Variants in HGSNAT observed in about 807,000 individuals in gnomAD.
HGSNAT encodes the protein transmembrane protein 76.
In HGSNAT, 59 loss-of-function variants were observed where a neutral mutation model predicts 85.2. The ratio of observed to expected loss-of-function variants is 0.69; its 90% CI spans 0.56 to 0.86. HGSNAT has a LOEUF of 0.86. Among genes scored for constraint, HGSNAT ranks in the 40% least tolerant of loss-of-function variants. The pLI, the probability that HGSNAT is intolerant of heterozygous loss-of-function variation, is 0.00. For missense variants in HGSNAT, 756 were observed against 777.1 expected, an observed-to-expected ratio of 0.97 and a Z score of 0.32; for synonymous variants, 321 against 304.5, an observed-to-expected ratio of 1.05 and a Z score of -0.56.
chr8:43,192,490 T>C, intron 13 of HGSNAT, 60 bp downstream of exon 13: 1 of 1,526,856 alleles, frequency 6.5e-7, no homozygotes, highest in East Asian at 2.3e-5. Context: ...TGAAGGAAAG[T>C]AGAAAGAGCC....
At chr8:43,192,947 G>A (rs188419607) in intron 13 of HGSNAT, among the ~76,000 whole-genome samples, 1 of 152,306 alleles carries the variant, frequency 6.6e-6, no homozygotes, top group East Asian at 1.9e-4. Context: ...ACCGTGCAGA[G>A]GGAGAAGTTG....
chr8:43,195,669 GGT>G (rs375316056), intron 14 of HGSNAT: 130 of 139,090 alleles, frequency 9.3e-4, no homozygotes, highest in Middle Eastern at 7.6e-3. Flanking sequence ...GGAGGAGGAG[GGT>G]GAGGGTGTGG....
At chr8:43,174,423 G>A (rs557365945) in intron 9 of HGSNAT, among the ~76,000 whole-genome samples, 5 of 152,198 alleles carry the variant, frequency 3.3e-5, no homozygotes, top group Middle Eastern at 6.8e-3. Context: ...AAATATGTAG[G>A]TGGGCAATGA....
At position 43,202,717 on chromosome 8, in the gene HGSNAT, A is replaced by T. The variant is rs1349065662; in HGVS notation, c.*3148A>T. The T allele has an allele frequency of 6.6e-6, 1 of 152,264 alleles. No individual in the cohort carries two copies. The highest frequency in any genetic ancestry group is 1.5e-5 in the Non-Finnish European group (1 of 68,038). The allele number at this position is 152,264 out of a possible 1,614,324, so 9.4% of individuals were successfully genotyped here. A position where few individuals can be genotyped will look rare whatever the true frequency, so the allele number is the denominator to read the frequency against. On this transcript the variant is annotated 3_prime_UTR_variant, in exon 18 of 18. Coordinates refer to ENST00000379644, the MANE Select transcript of HGSNAT (RefSeq NM_152419.3). The stretch of plus-strand genomic sequence containing the variant: ...CAAGGGGCATCTTTTATAAATGCAT[A>T]ATAACCCAGTTTGTATCAAAGGGTA...
chr8:43,147,038 A>G lies in HGSNAT; in HGVS notation c.209A>G (p.Tyr70Cys). The G allele has an allele frequency of 6.2e-7, 1 of 1,603,458 alleles. No individual in the cohort carries two copies. The change falls in exon 2 of 18, where the codon TAC (tyrosine) becomes TGC (cysteine). Residue 70 changes from tyrosine to cysteine, a missense_variant. Coordinates refer to ENST00000379644, the MANE Select transcript of HGSNAT (RefSeq NM_152419.3). ...NELLWTNLTV[Y>C]WKSECCYHCL... ...CTTCTCTGGACCAACTTGACCGTCTACTGGAAATCTGAATGCTGTTATCAC... is the reference window on the plus strand; with the variant it reads ...CTTCTCTGGACCAACTTGACCGTCTGCTGGAAATCTGAATGCTGTTATCAC...
chr8:43,182,047 A>G (rs1052187871), intron 10 of HGSNAT, 98 bp from the exon 11 acceptor site: 2 of 881,914 alleles, frequency 2.3e-6, no homozygotes, highest in Admixed American at 3.5e-5. Context: ...CTTAGATGCA[A>G]TATAGGTATG....
At chr8:43,161,399 C>T in intron 4 of HGSNAT, 39 bp from the exon 5 acceptor site, 1 of 1,529,528 alleles carries the variant, frequency 6.5e-7, no homozygotes, top group South Asian at 1.1e-5. Context: ...TTCATGATGA[C>T]ATTTTTGGGG....
intron 1 of HGSNAT, among the ~76,000 whole-genome samples, chr8:43,141,570 G>A (rs1452428172): frequency 6.6e-6 from 1 of 152,178 alleles, no homozygotes; most frequent in East Asian, 1.9e-4. Flanking sequence ...CCTTTGGGTA[G>A]GAGGGACGGT....
At chr8:43,187,211 C>T (rs934689214) in intron 11 of HGSNAT, among the ~76,000 whole-genome samples, 1 of 152,154 alleles carries the variant, frequency 6.6e-6, no homozygotes, top group Admixed American at 6.5e-5. Context: ...AACTTTCTGT[C>T]TCATTGATCT....
intron 9 of HGSNAT, among the ~76,000 whole-genome samples, chr8:43,174,668 G>A (rs1433211851): frequency 1.3e-5 from 2 of 152,142 alleles, no homozygotes; most frequent in African/African-American, 4.8e-5. Flanking sequence ...TAGTATGGTA[G>A]ATATGAGATA....
chr8:43,186,882 C>T (rs887208894), intron 11 of HGSNAT, among the ~76,000 whole-genome samples: 4 of 152,136 alleles, frequency 2.6e-5, no homozygotes, highest in Non-Finnish European at 5.9e-5. Context: ...TTTATTTCTG[C>T]CTTCATTTCG....
chr8:43,196,050 C>T (rs78171157), intron 14 of HGSNAT: 2,689 of 226,682 alleles, frequency 0.012, 34 homozygotes, highest in Non-Finnish European at 0.016. Context: ...AGCGGTCAGT[C>T]CAGTGGGGAG....
intron 4 of HGSNAT, among the ~76,000 whole-genome samples, chr8:43,160,068 A>G (rs1159201664): frequency 6.6e-6 from 1 of 152,254 alleles, no homozygotes; most frequent in African/African-American, 2.4e-5. Flanking sequence ...CCATGAGGTC[A>G]TATGAAACTA....
At chr8:43,194,572 C>T (rs1355950479) in intron 14 of HGSNAT, 1 of 955,514 alleles carries the variant, frequency 1.0e-6, no homozygotes, top group Non-Finnish European at 1.2e-6. Context: ...AGTAACACTG[C>T]AGGTTCATTT....
Position 43,199,725 on chromosome 8 carries a change from G to T in HGSNAT, c.*156G>T. 1 of 454,298 alleles carries T rather than the reference G, an allele frequency of 2.2e-6. No individual in the cohort carries two copies. Among genetic ancestry groups the T allele is most frequent in the Non-Finnish European group, 3.7e-6 (1 of 268,616 alleles). 28.1% of individuals were successfully genotyped at this position (454,298 alleles called of 1,614,324 possible). On this transcript the variant is annotated 3_prime_UTR_variant, in exon 18 of 18. Coordinates refer to ENST00000379644, the MANE Select transcript of HGSNAT (RefSeq NM_152419.3). ...ACTGATGTCCTCAAACTGGTTAACTGTGACACGGCTCGCCAGAACTCTGCC... is the reference window on the plus strand; with the variant it reads ...ACTGATGTCCTCAAACTGGTTAACTTTGACACGGCTCGCCAGAACTCTGCC...
At chr8:43,192,239 T>A (rs564212557) in intron 12 of HGSNAT, 65 bp from the exon 13 acceptor site, 92 of 1,537,048 alleles carry the variant, frequency 6.0e-5, no homozygotes, top group Non-Finnish European at 7.3e-5. Flanking sequence ...GAGGTTTTTT[T>A]ATTCTTGTCC....
chr8:43,153,477 G>A (rs1280138392), intron 2 of HGSNAT, among the ~76,000 whole-genome samples: 1 of 152,108 alleles, frequency 6.6e-6, no homozygotes, highest in African/African-American at 2.4e-5. Context: ...ACAGGTGTGA[G>A]CCACCGTGCC....
At position 43,199,409 on chromosome 8, in the gene HGSNAT, A is replaced by C; in HGVS notation, c.1748A>C (p.Tyr583Ser). ...FYPGMNSILVYVGHEVFENYF... is the reference protein window; with the variant it reads ...FYPGMNSILVSVGHEVFENYF... ...TAAGGAATGAATTCCATTCTGGTAT[A>C]TGTCGGCCACGAGGTGTTTGAGAAC... is the stretch of plus-strand genomic sequence containing the variant. The change falls in exon 18 of 18, where the codon TAT becomes TCT. Residue 583 changes from tyrosine to serine, a missense_variant. Transcript: ENST00000379644. The C allele has an allele frequency of 1.9e-6, 3 of 1,602,256 alleles. No individual in the cohort carries two copies. Among genetic ancestry groups the C allele is most frequent in the Non-Finnish European group, 2.6e-6 (3 of 1,173,580 alleles).
At chr8:43,186,837 T>C (rs572881535) in intron 11 of HGSNAT, among the ~76,000 whole-genome samples, 1 of 152,372 alleles carries the variant, frequency 6.6e-6, no homozygotes, top group East Asian at 1.9e-4. Flanking sequence ...TTCTGGTATG[T>C]TGTGTCTTTG....
Sources: gnomAD v4.1 joint callset for allele counts (sites outside exome capture counted in the v4.1 genomes callset) on GRCh38, gnomAD v4.1.1 for gene constraint, MANE v1.5 for transcripts, NCBI Gene and HGNC (gene_info 2026-07-23, HGNC 2026-07-21) for gene names.